Variants in GPHN observed in about 807,000 individuals in gnomAD.
GPHN encodes the protein gephyrin.
GPHN carries 17 observed loss-of-function variants against 95.5 expected under a neutral mutation model. The ratio of observed to expected loss-of-function variants is 0.18; its 90% CI spans 0.12 to 0.27. The LOEUF is 0.27. Among genes scored for constraint, GPHN ranks in the 10% least tolerant of loss-of-function variants. The pLI is 1.00. For missense variants in GPHN, 660 were observed against 978.1 expected, an observed-to-expected ratio of 0.67 and a Z score of 4.34; for synonymous variants, 320 against 322.5, an observed-to-expected ratio of 0.99 and a Z score of 0.08.
intron 18 of GPHN, 68 bp downstream of exon 18, chr14:67,143,517 G>C: frequency 3.1e-6 from 3 of 976,026 alleles, no homozygotes; most frequent in Non-Finnish European, 5.0e-6. Context: ...ATTAACTGTG[G>C]TCTGGTAGGC....
At chr14:67,303,538 C>T in the GPHN span, 2 of 1,613,416 alleles carry the variant, frequency 1.2e-6, no homozygotes, top group African/African-American at 2.7e-5. Flanking sequence ...ATGCATGGTA[C>T]TTTGACTTTT....
chr14:66,583,315 T>C (rs1230174892), intron 1 of GPHN, among the ~76,000 whole-genome samples: 1 of 152,140 alleles, frequency 6.6e-6, no homozygotes, highest in Admixed American at 6.5e-5. Flanking sequence ...GTTGCAAAAA[T>C]TTTCTCCCAA....
intron 9 of GPHN, chr14:66,996,039 A>G (rs1353384668): frequency 1.8e-6 from 1 of 566,070 alleles, no homozygotes; most frequent in Non-Finnish European, 3.2e-6. Flanking sequence ...ATGTTTTCAA[A>G]CTCAAGTGTC....
the GPHN span, among the ~76,000 whole-genome samples, chr14:67,221,085 GA>G: frequency 6.6e-6 from 1 of 152,116 alleles, no homozygotes; most frequent in African/African-American, 2.4e-5. Context: ...TGAGGTTAAG[GA>G]AATAAGTATT....
intron 19 of GPHN, among the ~76,000 whole-genome samples, chr14:67,162,960 G>A (rs1006519008): frequency 1.3e-5 from 2 of 152,102 alleles, no homozygotes; most frequent in Non-Finnish European, 2.9e-5. Context: ...TTATAAGCTT[G>A]TTGTAAGACT....
chr14:66,923,086 A>G, intron 7 of GPHN, 148 bp downstream of exon 7: 2 of 711,510 alleles, frequency 2.8e-6, no homozygotes, highest in South Asian at 3.0e-5. Context: ...ACACTCCACT[A>G]CTATGTTTCC....
intron 13 of GPHN, among the ~76,000 whole-genome samples, chr14:67,108,661 G>T (rs1222252649): frequency 6.7e-6 from 1 of 150,348 alleles, no homozygotes; most frequent in Non-Finnish European, 1.5e-5. Flanking sequence ...GTTTTACTTT[G>T]ATTGTACTTT....
At chr14:67,727,477 T>G in the GPHN span, 21 of 340,220 alleles carry the variant, frequency 6.2e-5, no homozygotes, top group African/African-American at 3.5e-4. Flanking sequence ...AGGCTTTTTG[T>G]TTTTTTTGTT....
the GPHN span, among the ~76,000 whole-genome samples, chr14:67,456,323 G>C: frequency 6.6e-6 from 1 of 152,182 alleles, no homozygotes; most frequent in Non-Finnish European, 1.5e-5. Context: ...AATAAGGCCA[G>C]GCACGGTGGC....
intron 5 of GPHN, among the ~76,000 whole-genome samples, chr14:66,881,717 A>AT (rs907769346): frequency 1.3e-5 from 2 of 151,760 alleles, no homozygotes; most frequent in African/African-American, 4.8e-5. Flanking sequence ...TCCTGAATTA[A>AT]TTTTTTTCTC....
chr14:66,630,814 A>T (rs529127397), intron 1 of GPHN, among the ~76,000 whole-genome samples: 1 of 152,092 alleles, frequency 6.6e-6, no homozygotes, highest in African/African-American at 2.4e-5. Context: ...TTTTCTTGTC[A>T]TGCCAGTTAA....
chr14:67,107,371 G>T (rs1197201808), intron 13 of GPHN, among the ~76,000 whole-genome samples: 2 of 152,078 alleles, frequency 1.3e-5, no homozygotes, highest in East Asian at 3.9e-4. Context: ...TGGTTCTTGG[G>T]GTTCAGGTTC....
chr14:67,283,590 C>A, the GPHN span, among the ~76,000 whole-genome samples: 2 of 152,038 alleles, frequency 1.3e-5, no homozygotes, highest in African/African-American at 4.8e-5. Context: ...TTAGCCATTC[C>A]TTCAGGGAAT....
intron 1 of GPHN, among the ~76,000 whole-genome samples, chr14:66,563,138 AT>A (rs1166269085): frequency 6.6e-6 from 1 of 152,150 alleles, no homozygotes; most frequent in Admixed American, 6.6e-5. Context: ...AACTTATGAA[AT>A]AAGTTTTAAT....
the GPHN span, chr14:67,659,697 GA>G: frequency 2.7e-4 from 388 of 1,438,366 alleles, no homozygotes; most frequent in Admixed American, 1.2e-3. Context: ...GCCCTTAAAG[GA>G]AAAAAAAAAC....
intron 3 of GPHN, among the ~76,000 whole-genome samples, chr14:66,793,487 G>A (rs961186495): frequency 1.3e-4 from 20 of 152,094 alleles, no homozygotes; most frequent in African/African-American, 2.9e-4. Flanking sequence ...TTGTCCTTTC[G>A]GTTTCTTTAA....
intron 4 of GPHN, among the ~76,000 whole-genome samples, chr14:66,843,887 G>A (rs1280102615): frequency 1.3e-5 from 2 of 151,534 alleles, no homozygotes; most frequent in Non-Finnish European, 2.9e-5. Context: ...CATATATTAT[G>A]TACATTTATT....
the GPHN span, among the ~76,000 whole-genome samples, chr14:67,524,965 C>T: frequency 2.0e-5 from 3 of 152,194 alleles, no homozygotes; most frequent in Non-Finnish European, 4.4e-5. Flanking sequence ...GGTGCACACT[C>T]TGGCTCTTGG....
intron 1 of GPHN, among the ~76,000 whole-genome samples, chr14:66,616,711 C>T (rs1200294911): frequency 6.6e-6 from 1 of 151,896 alleles, no homozygotes; most frequent in Non-Finnish European, 1.5e-5. Context: ...GGGAACAGGA[C>T]CCCTTTTTTT....
Sources: allele counts gnomAD v4.1 joint callset (sites outside exome capture counted in the v4.1 genomes callset), GRCh38; gene constraint gnomAD v4.1.1; transcripts MANE v1.5; gene names NCBI Gene and HGNC (gene_info 2026-07-23, HGNC 2026-07-21).